Variants in MRTFB observed in about 807,000 individuals in gnomAD.
MRTFB encodes the protein myocardin related transcription factor B.
Under a neutral mutation model 104.2 loss-of-function variants are expected in MRTFB, and 29 were observed. The ratio of observed to expected loss-of-function variants is 0.28; its 90% CI spans 0.21 to 0.38. The LOEUF (loss-of-function observed/expected upper bound fraction) is 0.38. MRTFB is among the 10% of genes least tolerant of loss of function. The pLI, the probability that MRTFB is intolerant of heterozygous loss-of-function variation, is 1.00. For missense variants in MRTFB, 1,270 were observed against 1,341.6 expected (o/e 0.95, Z 0.83); for synonymous variants, 535 against 519.5 (o/e 1.03, Z -0.41).
chr16:14,235,522 G>C (rs1434576625), intron 9 of MRTFB, among the ~76,000 whole-genome samples: 1 of 152,184 alleles, frequency 6.6e-6, no homozygotes, highest in Non-Finnish European at 1.5e-5. Context: ...TTTAAGGAAG[G>C]CTTTGGTTCT....
At chr16:14,167,399 A>G (rs1366561266) in intron 3 of MRTFB, among the ~76,000 whole-genome samples, 1 of 150,978 alleles carries the variant, frequency 6.6e-6, no homozygotes, top group African/African-American at 2.4e-5. Context: ...TAGACTCTGG[A>G]TATTAGACCT....
intron 16 of MRTFB, among the ~76,000 whole-genome samples, chr16:14,260,601 C>G (rs932890950): frequency 1.3e-5 from 2 of 152,088 alleles, no homozygotes; most frequent in African/African-American, 4.8e-5. Context: ...GCTTTTAATG[C>G]TTAGTCTTAC....
chr16:14,118,614 C>G (rs2036669538), intron 2 of MRTFB, among the ~76,000 whole-genome samples: 1 of 151,608 alleles, frequency 6.6e-6, no homozygotes. Context: ...CCGGTCTGGG[C>G]AACATGGCCA....
the MRTFB span, among the ~76,000 whole-genome samples, chr16:14,052,294 A>G: frequency 6.6e-6 from 1 of 152,218 alleles, no homozygotes; most frequent in Admixed American, 6.5e-5. Context: ...TTATTGTTAC[A>G]TAATAATTGT....
the MRTFB span, among the ~76,000 whole-genome samples, chr16:13,996,481 T>A: frequency 6.6e-6 from 1 of 152,170 alleles, no homozygotes; most frequent in Non-Finnish European, 1.5e-5. Context: ...TTAGCCTCCC[T>A]TCTTTCTTCC....
the MRTFB span, among the ~76,000 whole-genome samples, chr16:14,017,134 A>T: frequency 7.7e-5 from 11 of 143,000 alleles, no homozygotes; most frequent in Admixed American, 5.2e-4. Flanking sequence ...TCGGCTCACT[A>T]CAAGCTCCAC....
chr16:14,207,444 C>G (rs1327074598), intron 3 of MRTFB, among the ~76,000 whole-genome samples: 1 of 152,198 alleles, frequency 6.6e-6, no homozygotes, highest in Non-Finnish European at 1.5e-5. Flanking sequence ...TCCTAAAGTT[C>G]TCCTAAATGT....
At chr16:14,039,566 T>A in the MRTFB span, among the ~76,000 whole-genome samples, 1 of 152,050 alleles carries the variant, frequency 6.6e-6, no homozygotes, top group Non-Finnish European at 1.5e-5. Context: ...TATCTATATA[T>A]GCGTGCACAA....
At chr16:14,153,220 G>A (rs894056581) in intron 3 of MRTFB, 1 of 152,148 alleles carries the variant, frequency 6.6e-6, no homozygotes, top group African/African-American at 2.4e-5. Flanking sequence ...TAAATAAAAT[G>A]TGTATGCTGA....
At chr16:14,174,796 C>T (rs1037192255) in intron 3 of MRTFB, among the ~76,000 whole-genome samples, 2 of 152,150 alleles carry the variant, frequency 1.3e-5, no homozygotes, top group South Asian at 2.1e-4. Flanking sequence ...CTGTAATACA[C>T]ATCAGTTAAC....
the MRTFB span, among the ~76,000 whole-genome samples, chr16:14,061,422 A>G: frequency 1.3e-5 from 2 of 152,226 alleles, no homozygotes; most frequent in African/African-American, 4.8e-5. Context: ...ATTGGTGAAC[A>G]GCACAGATAA....
chr16:14,035,077 G>A, the MRTFB span, among the ~76,000 whole-genome samples: 1 of 152,234 alleles, frequency 6.6e-6, no homozygotes, highest in Non-Finnish European at 1.5e-5. Context: ...TTTCACCTCT[G>A]AAGTGGCTTT....
chr16:14,042,270 C>T, the MRTFB span, among the ~76,000 whole-genome samples: 1 of 152,154 alleles, frequency 6.6e-6, no homozygotes, highest in South Asian at 2.1e-4. Context: ...GGATTACAGG[C>T]ACCCGCCACC....
chr16:14,102,005 G>A (rs2035729108), intron 2 of MRTFB, among the ~76,000 whole-genome samples: 1 of 152,094 alleles, frequency 6.6e-6, no homozygotes, highest in African/African-American at 2.4e-5. Flanking sequence ...TGTTTGCTGA[G>A]AGGCACTAAT....
At chr16:14,107,240 A>T (rs1165436855) in intron 2 of MRTFB, among the ~76,000 whole-genome samples, 3 of 152,194 alleles carry the variant, frequency 2.0e-5, no homozygotes, top group Non-Finnish European at 4.4e-5. Context: ...TGTCTCAAAC[A>T]AAAAAACAAA....
At chr16:14,093,894 T>G (rs973674176) in intron 2 of MRTFB, among the ~76,000 whole-genome samples, 8 of 152,214 alleles carry the variant, frequency 5.3e-5, no homozygotes, top group Middle Eastern at 3.2e-3. Context: ...GAGGCACCCC[T>G]TATCAGCTCC....
the MRTFB span, among the ~76,000 whole-genome samples, chr16:14,010,933 T>C: frequency 3.9e-5 from 6 of 152,222 alleles, no homozygotes; most frequent in East Asian, 1.9e-4. Flanking sequence ...GAAAGATCTA[T>C]TGGACAGTGT....
At chr16:14,176,228 T>C (rs1161048150) in intron 3 of MRTFB, among the ~76,000 whole-genome samples, 1 of 152,236 alleles carries the variant, frequency 6.6e-6, no homozygotes, top group Non-Finnish European at 1.5e-5. Flanking sequence ...TACAAGAATT[T>C]ATTTAATTAA....
At chr16:14,046,244 T>C in the MRTFB span, among the ~76,000 whole-genome samples, 11 of 152,256 alleles carry the variant, frequency 7.2e-5, no homozygotes, top group East Asian at 1.5e-3. Context: ...GAGGAACGCT[T>C]GAGCCCAGGA....
Sources: allele counts gnomAD v4.1 joint callset (sites outside exome capture counted in the v4.1 genomes callset), GRCh38; gene constraint gnomAD v4.1.1; transcripts MANE v1.5; gene names NCBI Gene and HGNC (gene_info 2026-07-23, HGNC 2026-07-21).